SAMHD1: variants seen among roughly 807,000 people sequenced by gnomAD.
The protein encoded by SAMHD1 is SAM and HD domain containing deoxynucleoside triphosphate triphosphohydrolase 1, also known as deoxynucleoside triphosphate triphosphohydrolase SAMHD1.
SAMHD1 carries 54 observed loss-of-function variants against 79.6 expected under a neutral mutation model. The observed-to-expected ratio is 0.68, with a 90% confidence interval of 0.55 to 0.85. The LOEUF (loss-of-function observed/expected upper bound fraction) is 0.85, where lower values mean the gene tolerates loss of function less well. Ranked by LOEUF, SAMHD1 falls within the 40% of genes least tolerant of loss-of-function variation. SAMHD1 has a pLI of 0.00. For missense variants in SAMHD1, 663 were observed against 782.7 expected, an observed-to-expected ratio of 0.85 and a Z score of 1.82; for synonymous variants, 260 against 264.1, an observed-to-expected ratio of 0.98 and a Z score of 0.15.
chr20:36,910,467 C>T (rs1040603774), intron 11 of SAMHD1, among the ~76,000 whole-genome samples: 3 of 151,844 alleles, frequency 2.0e-5, no homozygotes, highest in Admixed American at 1.3e-4. Flanking sequence ...TAGTGGCTCA[C>T]GTCTGTAATC....
intron 1 of SAMHD1, among the ~76,000 whole-genome samples, chr20:36,950,815 G>C (rs2063728730): frequency 6.6e-6 from 1 of 152,142 alleles, no homozygotes; most frequent in Admixed American, 6.5e-5. Flanking sequence ...GAAGGTGATG[G>C]GAATTCAGAG....
At position 36,927,245 on chromosome 20, in the gene SAMHD1, C is replaced by T; in HGVS notation, c.633G>A (p.Gly211=). The T allele has an allele frequency of 6.2e-7, 1 of 1,613,614 alleles. No individual in the cohort carries two copies. The highest frequency in any genetic ancestry group is 8.5e-7 in the Non-Finnish European group (1 of 1,179,766). ...IAGLCHDLGH[G]PFSHMFDGRF... ...GTCCATCAAACATGTGAGAAAATGGCCCATGACCTTAAAAACAAAAGCAGC... is the reference window on the plus strand; with the variant it reads ...GTCCATCAAACATGTGAGAAAATGGTCCATGACCTTAAAAACAAAAGCAGC... Residue 211 remains glycine (G), a synonymous_variant, in exon 6 of 16, where the codon GGG becomes GGA. Coordinates refer to ENST00000646673, the MANE Select transcript of SAMHD1 (RefSeq NM_015474.4).
intron 6 of SAMHD1, among the ~76,000 whole-genome samples, chr20:36,923,304 AGAGT>A (rs2063518003): frequency 6.6e-6 from 1 of 152,014 alleles, no homozygotes; most frequent in African/African-American, 2.4e-5. Context: ...TGGCCAAGAG[AGAGT>A]ATTTTAAAAA....
intron 11 of SAMHD1, among the ~76,000 whole-genome samples, chr20:36,906,884 T>C (rs963728720): frequency 1.3e-5 from 2 of 151,662 alleles, no homozygotes; most frequent in Non-Finnish European, 2.9e-5. Flanking sequence ...CTCTACCTCC[T>C]AGGTTCAAGT....
In SAMHD1 at chr20:36,897,828, C is replaced by T. The variant is rs1016788090; in HGVS notation, c.1740G>A (p.Lys580=). Residue 580 remains lysine, a synonymous_variant, in exon 15 of 16, where the codon AAG becomes AAA. Transcript: ENST00000646673. ...TGAGTAACAGGCCACCTACCTGCGGCTTGGTGAAATTTCTGTCTGCACACC... is the reference window on the plus strand; with the variant it reads ...TGAGTAACAGGCCACCTACCTGCGGTTTGGTGAAATTTCTGTCTGCACACC... ...VQWCADRNFT[K]PQDGDVIAPL... 3.1e-6 allele frequency: 5 copies of T among 1,614,206 alleles called. No individual in the cohort carries two copies. The highest frequency in any genetic ancestry group is 4.2e-6 in the Non-Finnish European group (5 of 1,180,038).
intron 2 of SAMHD1, among the ~76,000 whole-genome samples, chr20:36,943,158 C>T (rs550612052): frequency 6.6e-6 from 1 of 152,192 alleles, no homozygotes; most frequent in East Asian, 1.9e-4. Context: ...TAGGTAAAAA[C>T]AGTACAAAGG....
At chr20:36,909,334 ACTT>A (rs2063423139) in intron 11 of SAMHD1, among the ~76,000 whole-genome samples, 1 of 152,010 alleles carries the variant, frequency 6.6e-6, no homozygotes, top group Non-Finnish European at 1.5e-5. Context: ...TTTTTGTTCT[ACTT>A]CTTTTGCTTT....
At chr20:36,951,127 G>A (rs907944929) in intron 1 of SAMHD1, among the ~76,000 whole-genome samples, 7 of 152,180 alleles carry the variant, frequency 4.6e-5, no homozygotes, top group Admixed American at 2.0e-4. Context: ...CCTCAATCCC[G>A]GGAGCCTGCT....
At chr20:36,945,197 C>T (rs1016642776) in intron 2 of SAMHD1, among the ~76,000 whole-genome samples, 6 of 152,072 alleles carry the variant, frequency 3.9e-5, no homozygotes, top group African/African-American at 7.2e-5. Flanking sequence ...GCACAGTACC[C>T]GGCTAATTTT....
chr20:36,908,403 C>G (rs1390198136), intron 11 of SAMHD1, among the ~76,000 whole-genome samples: 2 of 151,680 alleles, frequency 1.3e-5, no homozygotes, highest in East Asian at 3.9e-4. Context: ...ACCACCAGGG[C>G]TAATTTTTAA....
intron 5 of SAMHD1, 61 bp from the exon 6 acceptor site, chr20:36,927,313 CCT>C: frequency 8.4e-7 from 1 of 1,187,540 alleles, no homozygotes; most frequent in Non-Finnish European, 1.2e-6. Context: ...AAAACTTTTT[CCT>C]TTTTTTTTTT....
At chr20:36,950,204 CAG>C (rs1444408339) in intron 1 of SAMHD1, among the ~76,000 whole-genome samples, 2 of 152,116 alleles carry the variant, frequency 1.3e-5, no homozygotes, top group African/African-American at 4.8e-5. Flanking sequence ...ACCACTGAAA[CAG>C]AGAGCCAACC....
intron 1 of SAMHD1, among the ~76,000 whole-genome samples, chr20:36,948,289 G>A (rs1046641790): frequency 6.6e-6 from 1 of 151,922 alleles, no homozygotes; most frequent in Non-Finnish European, 1.5e-5. Flanking sequence ...GTCTCACTCG[G>A]TCGCCCAGGC....
intron 3 of SAMHD1, among the ~76,000 whole-genome samples, chr20:36,939,931 G>A (rs1004796364): frequency 5.9e-5 from 9 of 152,108 alleles, no homozygotes; most frequent in African/African-American, 1.7e-4. Flanking sequence ...CTGGCTGGGC[G>A]CAGTGGCTCA....
At chr20:36,925,417 C>T (rs891956380) in intron 6 of SAMHD1, among the ~76,000 whole-genome samples, 3 of 152,132 alleles carry the variant, frequency 2.0e-5, no homozygotes, top group Non-Finnish European at 2.9e-5. Flanking sequence ...GGTGACATTC[C>T]GGTTTTATGG....
At chr20:36,897,284 C>G (rs944855599) in intron 15 of SAMHD1, among the ~76,000 whole-genome samples, 10 of 152,314 alleles carry the variant, frequency 6.6e-5, no homozygotes, top group African/African-American at 2.4e-4. Flanking sequence ...TGCCAACTGG[C>G]CACATTCTCT....
intron 10 of SAMHD1, 102 bp from the exon 11 acceptor site, chr20:36,911,435 G>A: frequency 1.3e-6 from 1 of 755,372 alleles, no homozygotes; most frequent in Non-Finnish European, 2.3e-6. Context: ...ACAAAATAAT[G>A]AGGCACAGTG....
intron 7 of SAMHD1, among the ~76,000 whole-genome samples, chr20:36,918,709 GA>G (rs2063488858): frequency 7.1e-6 from 1 of 139,886 alleles, no homozygotes; most frequent in Non-Finnish European, 1.5e-5. Context: ...GGCTGAAGCA[GA>G]AGAATTGCTT....
intron 9 of SAMHD1, among the ~76,000 whole-genome samples, chr20:36,912,889 GTTTTTT>G (rs71186089): frequency 6.8e-4 from 28 of 41,102 alleles, no homozygotes; most frequent in Admixed American, 3.3e-3. Context: ...TTCATTCTTT[GTTTTTT>G]TTTTTTTTTT....
Sources: allele counts gnomAD v4.1 joint callset (sites outside exome capture counted in the v4.1 genomes callset), GRCh38; gene constraint gnomAD v4.1.1; transcripts MANE v1.5; gene names NCBI Gene and HGNC (gene_info 2026-07-23, HGNC 2026-07-21).